TPO: variants seen among roughly 807,000 people sequenced by gnomAD.
The protein encoded by TPO is thyroid microsomal antigen.
Under a neutral mutation model 96.9 loss-of-function variants are expected in TPO, and 78 were observed. That is an observed-to-expected ratio of 0.81 (90% CI 0.67 to 0.97). TPO has a LOEUF of 0.97. Ranked by LOEUF, TPO falls within the 50% of genes least tolerant of loss-of-function variation. The probability of loss-of-function intolerance (pLI) is 0.00; values close to 1 mark genes in which losing one functional copy is unlikely to be tolerated. For missense variants in TPO, 1,252 were observed against 1,274.8 expected (o/e 0.98, Z 0.27); for synonymous variants, 547 against 538.0 (o/e 1.02, Z -0.23).
At chr2:1,378,645 C>T (rs919325092) in intron 1 of TPO, among the ~76,000 whole-genome samples, 1 of 152,240 alleles carries the variant, frequency 6.6e-6, no homozygotes, top group Non-Finnish European at 1.5e-5. Context: ...ACTGCGACTC[C>T]GTGCTGCTCT....
At chr2:1,525,776 C>G (rs983852262) in intron 15 of TPO, among the ~76,000 whole-genome samples, 32 of 146,834 alleles carry the variant, frequency 2.2e-4, no homozygotes, top group South Asian at 6.7e-4. Flanking sequence ...CACACTAAAT[C>G]CCGCCACTGT....
Position 1,456,287 on chromosome 2 carries a change from G to A in TPO, c.819+5G>A. The A allele has an allele frequency of 1.2e-6, 2 of 1,613,932 alleles. No individual in the cohort carries two copies. Among genetic ancestry groups the A allele is most frequent in the Non-Finnish European group, 1.7e-6 (2 of 1,179,868 alleles). On this transcript the variant is annotated splice_donor_5th_base_variant and intron_variant, in intron 7 of 16. Coordinates refer to ENST00000329066, the MANE Select transcript of TPO (RefSeq NM_001206744.2). Reference sequence around the variant, plus strand: ...AACCCATGTTTTCCCATACAAGTAAGTTTTAGAAAACGTTTCTATGTTTGT... The same window carrying A: ...AACCCATGTTTTCCCATACAAGTAAATTTTAGAAAACGTTTCTATGTTTGT...
Position 1,436,252 on chromosome 2 carries a change from A to G in TPO, c.350A>G (p.Asp117Gly). Residue 117 changes from aspartate to glycine, a missense_variant and splice_region_variant, in exon 5 of 17, where the codon GAT becomes GGT. By Grantham distance (94) the Asp-to-Gly change is moderately conservative (BLOSUM62 -1). Coordinates refer to ENST00000329066, the MANE Select transcript of TPO (RefSeq NM_001206744.2). The stretch of plus-strand genomic sequence containing the variant: ...ATTCATGGTTTCCTATTTTTCACAG[A>G]TGCTTTATCAGAAGATCTGCTGAGC... ...LKTQQSQHPT[D>G]ALSEDLLSII... is the part of the protein sequence containing the mutation. 2 of 1,614,142 alleles carry G rather than the reference A, an allele frequency of 1.2e-6. No individual in the cohort carries two copies. Among genetic ancestry groups the G allele is most frequent in the African/African-American group, 1.3e-5 (1 of 75,030 alleles).
intron 13 of TPO, among the ~76,000 whole-genome samples, chr2:1,498,469 C>T (rs1672571046): frequency 6.6e-6 from 1 of 152,228 alleles, no homozygotes; most frequent in Admixed American, 6.5e-5. Flanking sequence ...ATGGATAGGG[C>T]AGAGGCCTGC....
At chr2:1,477,858 C>T (rs1044677108) in intron 8 of TPO, 1 of 985,442 alleles carries the variant, frequency 1.0e-6, no homozygotes, top group Non-Finnish European at 1.2e-6. Context: ...GGCGGCCCTC[C>T]GGGGCCCCTC....
In TPO at chr2:1,540,937, C is replaced by A. The variant is rs367685767; in HGVS notation, c.2748+214C>A. The stretch of plus-strand genomic sequence containing the variant: ...TTAGTGAGAGGAATGAAGATGCCTT[C>A]CATTTGTACAAACCGGTTCCAAAAC... On this transcript the variant is annotated intron_variant, in intron 16 of 16. Coordinates refer to ENST00000329066, the MANE Select transcript of TPO (RefSeq NM_001206744.2). The A allele has an allele frequency of 3.1e-4, 473 of 1,528,342 alleles. 4 individuals carry two copies. The South Asian group carries it at 5.4e-3, about 18-fold the overall frequency. 94.7% of individuals were successfully genotyped at this position (1,528,342 alleles called of 1,614,324 possible). A position where few individuals can be genotyped will look rare whatever the true frequency, so the allele number is the denominator to read the frequency against.
intron 13 of TPO, among the ~76,000 whole-genome samples, chr2:1,501,570 C>T (rs962206539): frequency 6.6e-6 from 1 of 152,236 alleles, no homozygotes; most frequent in African/African-American, 2.4e-5. Flanking sequence ...CCGTGTACCT[C>T]TGCATGTGGC....
intron 10 of TPO, among the ~76,000 whole-genome samples, chr2:1,489,082 ATACCTG>A (rs950329474): frequency 6.8e-6 from 1 of 147,182 alleles, no homozygotes; most frequent in African/African-American, 2.5e-5. Flanking sequence ...TGCCCAGCAC[ATACCTG>A]CACATGCCTG....
chr2:1,398,842 C>T (rs1356375104), intron 1 of TPO, among the ~76,000 whole-genome samples: 3 of 152,150 alleles, frequency 2.0e-5, no homozygotes. Flanking sequence ...AGGTTGTGCC[C>T]CCTCACCTGC....
intron 10 of TPO, 125 bp downstream of exon 10, chr2:1,488,116 G>A (rs193237174): frequency 2.1e-5 from 28 of 1,329,074 alleles, no homozygotes; most frequent in African/African-American, 8.6e-5. Flanking sequence ...TCTAAGCAAC[G>A]GCTCTTAAAG....
chr2:1,506,332 T>C (rs58431163), intron 14 of TPO, among the ~76,000 whole-genome samples: 88,321 of 146,776 alleles, frequency 0.6, 27,077 homozygotes, highest in African/African-American at 0.7. Context: ...TGAATAGTGC[T>C]GCAATAAACA....
intron 1 of TPO, among the ~76,000 whole-genome samples, chr2:1,405,226 CTTCCATTT>C (rs1275752825): frequency 6.6e-6 from 1 of 151,018 alleles, no homozygotes; most frequent in African/African-American, 2.4e-5. Flanking sequence ...TTCATCCATC[CTTCCATTT>C]ATCCATCCAT....
chr2:1,521,306 G>C (rs60573176), intron 15 of TPO, among the ~76,000 whole-genome samples: 77,277 of 152,008 alleles, frequency 0.51, 19,760 homozygotes, highest in South Asian at 0.56. Flanking sequence ...GACGGGTGCT[G>C]TTTCTCTAGG....
At chr2:1,538,845 C>G (rs886070945) in intron 15 of TPO, among the ~76,000 whole-genome samples, 2 of 152,166 alleles carry the variant, frequency 1.3e-5, no homozygotes, top group Non-Finnish European at 2.9e-5. Flanking sequence ...TTTGCTCCCC[C>G]CGAAGGTTGG....
At chr2:1,395,156 C>T (rs1241133272) in intron 1 of TPO, among the ~76,000 whole-genome samples, 2 of 152,128 alleles carry the variant, frequency 1.3e-5, no homozygotes, top group African/African-American at 4.8e-5. Flanking sequence ...TCCAGGAAGC[C>T]CTGCCTCTCC....
chr2:1,526,910 C>G (rs1676657522), intron 15 of TPO, among the ~76,000 whole-genome samples: 1 of 148,326 alleles, frequency 6.7e-6, no homozygotes, highest in Admixed American at 6.7e-5. Flanking sequence ...GTGTGTGCAA[C>G]CTCCCCAAAT....
intron 15 of TPO, among the ~76,000 whole-genome samples, chr2:1,537,822 T>G (rs1680181228): frequency 1.5e-5 from 1 of 66,324 alleles, no homozygotes; most frequent in South Asian, 5.9e-4. Context: ...CCCCCCACTG[T>G]GAGCAACCTC....
In TPO at chr2:1,377,714, T is replaced by TG. The variant is rs1453045540; in HGVS notation, n.180+3316dup. On this transcript the variant is annotated intron_variant and non_coding_transcript_variant, in intron 1 of 5. Coordinates refer to the TPO transcript ENST00000497517. ...GTCACGCTGGGAGAGTTAGCACAGG[T>TG]GGGGAAATGCAGGCCAGCGGCTGGC... Among the ~76,000 whole-genome samples, 3 of 152,174 alleles carry TG rather than the reference T, an allele frequency of 2.0e-5. No homozygotes were observed. The East Asian group carries it at 5.8e-4, about 29-fold the overall frequency.
intron 7 of TPO, among the ~76,000 whole-genome samples, chr2:1,472,018 T>C (rs1264014355): frequency 6.6e-6 from 1 of 151,904 alleles, no homozygotes; most frequent in Non-Finnish European, 1.5e-5. Context: ...GTTCATAGCA[T>C]ACCCATCCCA....
Sources: allele counts gnomAD v4.1 joint callset (sites outside exome capture counted in the v4.1 genomes callset), GRCh38; gene constraint gnomAD v4.1.1; transcripts MANE v1.5; gene names NCBI Gene and HGNC (gene_info 2026-07-23, HGNC 2026-07-21).